The following RREB1 variants were observed in gnomAD, a reference collection of about 807,000 sequenced individuals.
The protein encoded by RREB1 is ras-responsive element-binding protein 1.
A neutral mutation model predicts 117.8 loss-of-function variants in RREB1; 27 were observed. The ratio of observed to expected loss-of-function variants is 0.23; its 90% CI spans 0.17 to 0.32. The LOEUF is 0.32. Ranked by LOEUF, RREB1 falls within the 10% of genes least tolerant of loss-of-function variation. The pLI, the probability that RREB1 is intolerant of heterozygous loss-of-function variation, is 1.00. For missense variants in RREB1, 2,577 were observed against 2,378.2 expected (o/e 1.08, Z -1.74); for synonymous variants, 1,298 against 1,026.7 (o/e 1.26, Z -5.05).
chr6:7,223,792 C>T (rs572489792), intron 8 of RREB1, among the ~76,000 whole-genome samples: 149 of 152,184 alleles, frequency 9.8e-4, no homozygotes, highest in African/African-American at 2.9e-3. Flanking sequence ...TTTATAGAAG[C>T]GGTACACATT....
intron 11 of RREB1, among the ~76,000 whole-genome samples, chr6:7,243,702 A>T (rs1356694420): frequency 6.6e-6 from 1 of 152,210 alleles, no homozygotes. Flanking sequence ...CCTGTGTCCA[A>T]AGAGGGAGTT....
chr6:7,138,688 T>G (rs1251078240), intron 1 of RREB1, among the ~76,000 whole-genome samples: 2 of 152,222 alleles, frequency 1.3e-5, no homozygotes, highest in Non-Finnish European at 2.9e-5. Flanking sequence ...ACAAGTGGGT[T>G]AAGGCACCCA....
At chr6:7,149,980 C>T (rs372023137) in intron 1 of RREB1, among the ~76,000 whole-genome samples, 3 of 150,244 alleles carry the variant, frequency 2.0e-5, no homozygotes, top group Admixed American at 6.6e-5. Context: ...TGGGCCACTG[C>T]GCCTGGCCTG....
At chr6:7,217,200 T>C (rs1766953207) in intron 8 of RREB1, 1 of 151,902 alleles carries the variant, frequency 6.6e-6, no homozygotes, top group African/African-American at 2.4e-5. Context: ...AATGTGTGAG[T>C]TGGTTGGGAC....
rs528451412 is a variant in RREB1, at chr6:7,227,856, A to G, written c.898-1141A>G. Among the ~76,000 whole-genome samples the G allele has an allele frequency of 1.2e-4, 18 of 152,368 alleles. No individual in the cohort carries two copies. The East Asian group carries it at 1.5e-3, about 13-fold the overall frequency. Reference sequence around the variant, plus strand: ...CAAGGCAAGTGGAACACTTGAGGCCAGGAGTTCAAGACCAGCCTGGCCAAC... The same window carrying G: ...CAAGGCAAGTGGAACACTTGAGGCCGGGAGTTCAAGACCAGCCTGGCCAAC... On this transcript the variant is annotated intron_variant, in intron 9 of 12. Coordinates refer to ENST00000379938, the MANE Select transcript of RREB1 (RefSeq NM_001003699.4).
At position 7,246,933 on chromosome 6, in the gene RREB1, G is replaced by C. The variant is rs369549366; in HGVS notation, c.4483G>C (p.Glu1495Gln). The change falls in exon 12 of 13, where the codon GAA becomes CAA. Residue 1495 changes from glutamate to glutamine, a missense_variant. Transcript: ENST00000379938. ...AGAGGAGGGGCCCCAGCCCGCCCCT[G>C]AACAGGAGGAGAAGCCCCCCGAGAC... Reference protein sequence around the residue: ...TAEEGPQPAPEQEEKPPETPA... With the variant: ...TAEEGPQPAPQQEEKPPETPA... 1 of 1,557,374 alleles carries C rather than the reference G, an allele frequency of 6.4e-7. No homozygotes were observed. The highest frequency in any genetic ancestry group is 1.4e-5 in the African/African-American group (1 of 73,134).
chr6:7,234,792 A>G (rs1278762105), intron 10 of RREB1, among the ~76,000 whole-genome samples: 1 of 152,214 alleles, frequency 6.6e-6, no homozygotes, highest in Non-Finnish European at 1.5e-5. Context: ...GAGCTAAGTA[A>G]CTTGCCTACA....
intron 6 of RREB1, 75 bp downstream of exon 6, chr6:7,189,397 C>A: frequency 7.2e-7 from 1 of 1,379,346 alleles, no homozygotes; most frequent in Non-Finnish European, 9.8e-7. Flanking sequence ...GGCCTCTGAG[C>A]CTTCAGAAGA....
At chr6:7,140,764 G>C (rs970727470) in intron 1 of RREB1, 2 of 152,276 alleles carry the variant, frequency 1.3e-5, no homozygotes, top group African/African-American at 4.8e-5. Context: ...TTGTTCCTTA[G>C]GGTGGTGTCC....
rs149599930 is a variant in RREB1 at position 7,186,700 on chromosome 6, A to G, written c.172-734A>G. On this transcript the variant is annotated intron_variant, in intron 4 of 12. Transcript: ENST00000379938. The stretch of plus-strand genomic sequence containing the variant: ...TGGCTTTTTCTGAAAAAGACAAAAC[A>G]TACTGCTTGACCTGTGCATTCTGAG... Among the ~76,000 whole-genome samples the G allele has an allele frequency of 2.0e-5, 3 of 152,306 alleles. No individual in the cohort carries two copies. In the East Asian group the frequency reaches 5.8e-4, roughly 29 times the overall value.
intron 1 of RREB1, among the ~76,000 whole-genome samples, chr6:7,145,929 A>G (rs1762832368): frequency 6.6e-6 from 1 of 151,900 alleles, no homozygotes. Context: ...AACATACCGC[A>G]GAACAGGTTG....
chr6:7,166,156 A>C (rs777835094), intron 1 of RREB1, among the ~76,000 whole-genome samples: 1 of 149,220 alleles, frequency 6.7e-6, no homozygotes, highest in African/African-American at 2.5e-5. Flanking sequence ...ACTAATCCCC[A>C]CTCCCACCCC....
chr6:7,147,699 A>G (rs1762935640), intron 1 of RREB1, among the ~76,000 whole-genome samples: 1 of 152,212 alleles, frequency 6.6e-6, no homozygotes. Flanking sequence ...ACAAAGTGAC[A>G]GTTTTCTTAT....
intron 6 of RREB1, among the ~76,000 whole-genome samples, chr6:7,196,744 G>A (rs1002260737): frequency 4.6e-5 from 7 of 152,130 alleles, no homozygotes; most frequent in African/African-American, 1.7e-4. Flanking sequence ...AGAAAGGTTA[G>A]GGTAAAGACC....
rs141075251 is a variant in RREB1, at chr6:7,196,810, G to A, written c.425+7488G>A. Among the ~76,000 whole-genome samples, 484 of 152,282 alleles carry A rather than the reference G, an allele frequency of 3.2e-3. 1 individual carries two copies. The highest frequency in any genetic ancestry group is 0.01 in the Middle Eastern group (3 of 294). ...TTTGTGAGCTGCCACTTGCCTGTAT[G>A]CAGATTCTCATGTGTTTGAGGTTTG... On this transcript the variant is annotated intron_variant, in intron 6 of 12. Coordinates refer to ENST00000379938, the MANE Select transcript of RREB1 (RefSeq NM_001003699.4).
At chr6:7,138,025 T>A (rs1420965995) in intron 1 of RREB1, among the ~76,000 whole-genome samples, 1 of 152,204 alleles carries the variant, frequency 6.6e-6, no homozygotes, top group African/African-American at 2.4e-5. Flanking sequence ...TGATTTACTA[T>A]CACTGCAAAA....
At chr6:7,188,380 A>G (rs1765214027) in intron 5 of RREB1, among the ~76,000 whole-genome samples, 1 of 151,874 alleles carries the variant, frequency 6.6e-6, no homozygotes, top group Admixed American at 6.6e-5. Context: ...CTTCCCAAGT[A>G]GCTGGGATTA....
In RREB1 at chr6:7,200,218, GTA is replaced by G. The variant is rs764764289; in HGVS notation, c.426-10574_426-10573del. On this transcript the variant is annotated intron_variant, in intron 6 of 12. Transcript: ENST00000379938. ...TGTGTATATATGTATGTATGTGTGT[GTA>G]TATATATATATGTATGTGTGTATAT... Among the ~76,000 whole-genome samples, 783 of 145,768 alleles carry G rather than the reference GTA, an allele frequency of 5.4e-3. 6 individuals are homozygous for G. Among genetic ancestry groups the G allele is most frequent in the African/African-American group, 0.014 (560 of 39,878 alleles).
chr6:7,237,684 A>G (rs993795658), intron 10 of RREB1, among the ~76,000 whole-genome samples: 1 of 152,224 alleles, frequency 6.6e-6, no homozygotes, highest in Non-Finnish European at 1.5e-5. Flanking sequence ...GCTACTTTCT[A>G]TATAGATGGC....
Sources: gnomAD v4.1 joint callset for allele counts (sites outside exome capture counted in the v4.1 genomes callset) on GRCh38, gnomAD v4.1.1 for gene constraint, MANE v1.5 for transcripts, NCBI Gene and HGNC (gene_info 2026-07-23, HGNC 2026-07-21) for gene names.